PAPPA2: variants seen among roughly 807,000 people sequenced by gnomAD.
The protein encoded by PAPPA2 is pappalysin-2.
In PAPPA2, 86 loss-of-function variants were observed where a neutral mutation model predicts 176.4. The observed-to-expected ratio is 0.49, with a 90% CI of 0.41 to 0.58. The LOEUF (loss-of-function observed/expected upper bound fraction) is 0.58, where lower values mean the gene tolerates loss of function less well. PAPPA2 is among the 20% of genes least tolerant of loss of function. PAPPA2 has a pLI of 0.00. For synonymous variants in PAPPA2, 809 were observed against 852.2 expected, an observed-to-expected ratio of 0.95 and a Z score of 0.88; for missense variants, 2,073 against 2,256.9, an observed-to-expected ratio of 0.92 and a Z score of 1.65.
At chr1:176,534,177 G>T (rs570160649) in intron 1 of PAPPA2, among the ~76,000 whole-genome samples, 2 of 152,292 alleles carry the variant, frequency 1.3e-5, no homozygotes, top group Admixed American at 6.5e-5. Flanking sequence ...AAGCAGTAGG[G>T]AAAAGTAGCT....
At chr1:176,660,361 T>C (rs1046088176) in intron 3 of PAPPA2, among the ~76,000 whole-genome samples, 3 of 151,884 alleles carry the variant, frequency 2.0e-5, no homozygotes, top group Admixed American at 2.0e-4. Context: ...TGTGTGTGTG[T>C]GCTTAAGTGT....
At chr1:176,652,123 G>A (rs893788715) in intron 3 of PAPPA2, among the ~76,000 whole-genome samples, 6 of 151,438 alleles carry the variant, frequency 4.0e-5, no homozygotes, top group African/African-American at 1.5e-4. Flanking sequence ...TCACATAGAA[G>A]CATCTCATTA....
chr1:176,636,818 G>A (rs1450540030), intron 3 of PAPPA2, among the ~76,000 whole-genome samples: 3 of 152,126 alleles, frequency 2.0e-5, no homozygotes, highest in Non-Finnish European at 2.9e-5. Flanking sequence ...AATAATTATT[G>A]AGTGTTGTTT....
chr1:176,697,748 C>T (rs567563625), intron 7 of PAPPA2, among the ~76,000 whole-genome samples: 12 of 152,256 alleles, frequency 7.9e-5, no homozygotes, highest in South Asian at 2.1e-4. Flanking sequence ...GATATCATTA[C>T]TACTTAATAT....
chr1:176,775,071 G>C, intron 17 of PAPPA2, among the ~76,000 whole-genome samples: 1 of 152,152 alleles, frequency 6.6e-6, no homozygotes, highest in South Asian at 2.1e-4. Flanking sequence ...AGCCTACCAG[G>C]TCTCCCTAGA....
At chr1:176,620,844 A>G (rs1366010288) in intron 3 of PAPPA2, among the ~76,000 whole-genome samples, 3 of 152,176 alleles carry the variant, frequency 2.0e-5, no homozygotes, top group Non-Finnish European at 4.4e-5. Flanking sequence ...AAATTTATGT[A>G]TGTTGTCTCA....
At position 176,499,644 on chromosome 1, in the gene PAPPA2, C is replaced by T. The variant is rs147107005; in HGVS notation, c.-917+36226C>T. Among the ~76,000 whole-genome samples, 538 of 152,010 alleles carry T rather than the reference C, an allele frequency of 3.5e-3. 2 individuals are homozygous for T. Among genetic ancestry groups the T allele is most frequent in the African/African-American group, 0.012 (503 of 41,418 alleles). ...GGAGGGGAGACCATGGTGAACAGCT[C>T]GATCTACCAGCTCTCCTTCATAATG... On this transcript the variant is annotated intron_variant, in intron 1 of 22. Coordinates refer to ENST00000367662, the MANE Select transcript of PAPPA2 (RefSeq NM_020318.3).
At chr1:176,792,255 G>T (rs937107558) in intron 19 of PAPPA2, among the ~76,000 whole-genome samples, 4 of 152,222 alleles carry the variant, frequency 2.6e-5, no homozygotes, top group Admixed American at 2.6e-4. Flanking sequence ...GCCTTGGCTG[G>T]CCCTAAATAT....
At chr1:176,587,045 G>A (rs961681081) in intron 2 of PAPPA2, among the ~76,000 whole-genome samples, 2 of 152,142 alleles carry the variant, frequency 1.3e-5, no homozygotes, top group South Asian at 2.1e-4. Context: ...CAGTGATGTT[G>A]AGCTTTTTTT....
At chr1:176,510,486 G>T (rs549022970) in intron 1 of PAPPA2, among the ~76,000 whole-genome samples, 1 of 152,020 alleles carries the variant, frequency 6.6e-6, no homozygotes, top group Non-Finnish European at 1.5e-5. Context: ...AAAGTTGAAA[G>T]AACTTGTATT....
intron 3 of PAPPA2, among the ~76,000 whole-genome samples, chr1:176,653,577 T>G (rs1657870914): frequency 6.6e-6 from 1 of 151,754 alleles, no homozygotes; most frequent in South Asian, 2.1e-4. Context: ...GGGTTCTTCC[T>G]TTTCAACAAA....
At chr1:176,741,989 A>G (rs1183089553) in intron 14 of PAPPA2, among the ~76,000 whole-genome samples, 1 of 152,148 alleles carries the variant, frequency 6.6e-6, no homozygotes, top group Non-Finnish European at 1.5e-5. Flanking sequence ...ACTGCCTTCT[A>G]ATCTTTCTTC....
At position 176,562,212 on chromosome 1, in the gene PAPPA2, T is replaced by G. The variant is rs572981876; in HGVS notation, c.919+4971T>G. 1.2e-4 allele frequency among the ~76,000 whole-genome samples: 18 copies of G among 152,168 alleles called. 1 individual carries two copies. In the South Asian group the frequency reaches 3.3e-3, roughly 28 times the overall value. On this transcript the variant is annotated intron_variant, in intron 2 of 22. Transcript: ENST00000367662. ...GTTTAAGGCCTATATTGGTAAGTGT[T>G]GTTGTTGTTGTTGTTGTTTTTGACA...
At chr1:176,469,926 GGTTCCCATTCCAT>G (rs1651796562) in intron 1 of PAPPA2, among the ~76,000 whole-genome samples, 1 of 152,108 alleles carries the variant, frequency 6.6e-6, no homozygotes, top group African/African-American at 2.4e-5. Context: ...GCTGGCCATT[GGTTCCCATTCCAT>G]GTTGATACTC....
chr1:176,479,497 A>C (rs1490105060), intron 1 of PAPPA2, among the ~76,000 whole-genome samples: 1 of 152,146 alleles, frequency 6.6e-6, no homozygotes, highest in East Asian at 1.9e-4. Context: ...GCACCCCCTG[A>C]CTTAGAGGAC....
chr1:176,493,032 A>G (rs1285182357), intron 1 of PAPPA2, among the ~76,000 whole-genome samples: 1 of 152,230 alleles, frequency 6.6e-6, no homozygotes, highest in Non-Finnish European at 1.5e-5. Context: ...TGTTGGTCAC[A>G]ATCCAATAAA....
At chr1:176,758,724 T>G (rs61821262) in intron 14 of PAPPA2, among the ~76,000 whole-genome samples, 10,843 of 152,280 alleles carry the variant, frequency 0.071, 482 homozygotes, top group Middle Eastern at 0.11. Flanking sequence ...ATATTTTGTT[T>G]AACTGAACAA....
At chr1:176,684,839 A>G (rs1659758536) in intron 4 of PAPPA2, among the ~76,000 whole-genome samples, 1 of 152,168 alleles carries the variant, frequency 6.6e-6, no homozygotes, top group Admixed American at 6.5e-5. Context: ...ACTGCTAGGA[A>G]TAAGTTTTGA....
intron 7 of PAPPA2, among the ~76,000 whole-genome samples, chr1:176,697,078 A>C (rs540655925): frequency 1.2e-4 from 19 of 152,270 alleles, no homozygotes; most frequent in East Asian, 5.8e-4. Context: ...CTGGTGTTTT[A>C]ATGCCTGTTT....
Sources: allele counts gnomAD v4.1 joint callset (sites outside exome capture counted in the v4.1 genomes callset), GRCh38; gene constraint gnomAD v4.1.1; transcripts MANE v1.5; gene names NCBI Gene and HGNC (gene_info 2026-07-23, HGNC 2026-07-21).